Variants in UBE4B observed in about 807,000 individuals in gnomAD.
UBE4B encodes the protein ubiquitin conjugation factor E4 B.
UBE4B carries 27 observed loss-of-function variants against 148.1 expected under a neutral mutation model. The ratio of observed to expected loss-of-function variants is 0.18; its 90% CI spans 0.13 to 0.25. The LOEUF (loss-of-function observed/expected upper bound fraction) is 0.25, where lower values mean the gene tolerates loss of function less well. Among genes scored for constraint, UBE4B ranks in the 10% least tolerant of loss-of-function variants. The probability of loss-of-function intolerance (pLI) is 1.00; values close to 1 mark genes in which losing one functional copy is unlikely to be tolerated. For missense variants in UBE4B, 1,170 were observed against 1,662.4 expected, an observed-to-expected ratio of 0.70 and a Z score of 5.15; for synonymous variants, 596 against 619.3, an observed-to-expected ratio of 0.96 and a Z score of 0.56.
At chr1:10,127,311 G>T (rs770396000) in intron 11 of UBE4B, among the ~76,000 whole-genome samples, 8 of 152,074 alleles carry the variant, frequency 5.3e-5, no homozygotes, top group African/African-American at 1.9e-4. Context: ...GAAAATCTCA[G>T]TGTAGCTCTC....
intron 22 of UBE4B, among the ~76,000 whole-genome samples, chr1:10,160,591 C>A (rs766406027): frequency 4.6e-5 from 7 of 152,140 alleles, no homozygotes; most frequent in Non-Finnish European, 5.9e-5. Flanking sequence ...TGACTGTCAT[C>A]AGCCGTGCAA....
intron 2 of UBE4B, among the ~76,000 whole-genome samples, chr1:10,075,585 A>C (rs1031398874): frequency 1.3e-5 from 2 of 152,196 alleles, no homozygotes; most frequent in African/African-American, 4.8e-5. Context: ...TTGCCCGGGT[A>C]CCTCTATGCT....
intron 25 of UBE4B, among the ~76,000 whole-genome samples, chr1:10,175,481 C>T (rs544961714): frequency 2.0e-5 from 3 of 147,384 alleles, no homozygotes; most frequent in Non-Finnish European, 3.0e-5. Context: ...GAAACCCCAT[C>T]TCTACTAAAA....
At chr1:10,034,772 A>G (rs546428882) in intron 1 of UBE4B, among the ~76,000 whole-genome samples, 2 of 152,350 alleles carry the variant, frequency 1.3e-5, no homozygotes, top group South Asian at 4.1e-4. Flanking sequence ...CTCCTGGGAT[A>G]GGACACGCAG....
chr1:10,100,888 T>C, intron 3 of UBE4B: 1 of 508,594 alleles, frequency 2.0e-6, no homozygotes, highest in Non-Finnish European at 3.5e-6. Context: ...CCCAAGAAAA[T>C]GACAACTTAG....
intron 2 of UBE4B, among the ~76,000 whole-genome samples, chr1:10,073,704 G>C (rs998473781): frequency 6.6e-6 from 1 of 152,092 alleles, no homozygotes; most frequent in East Asian, 1.9e-4. Flanking sequence ...TGGTGATGGC[G>C]TGAGATTCTG....
At chr1:10,170,473 C>T in intron 24 of UBE4B, among the ~76,000 whole-genome samples, 2 of 152,224 alleles carry the variant, frequency 1.3e-5, no homozygotes, top group East Asian at 3.8e-4. Flanking sequence ...CCACATCTTC[C>T]TGTTTCAGGT....
At chr1:10,105,894 G>T in intron 6 of UBE4B, 150 bp downstream of exon 6, 1 of 956,422 alleles carries the variant, frequency 1.0e-6, no homozygotes, top group Non-Finnish European at 1.5e-6. Context: ...CATTGGAAGT[G>T]GAATTCTCTT....
intron 7 of UBE4B, among the ~76,000 whole-genome samples, chr1:10,117,074 TC>T (rs1645324247): frequency 6.6e-6 from 1 of 152,146 alleles, no homozygotes; most frequent in Non-Finnish European, 1.5e-5. Context: ...TTATAACTTT[TC>T]CCCCAAAGAG....
intron 21 of UBE4B, among the ~76,000 whole-genome samples, chr1:10,156,479 A>T (rs1285941187): frequency 6.6e-6 from 1 of 152,038 alleles, no homozygotes; most frequent in East Asian, 1.9e-4. Flanking sequence ...AGCTCAAGTG[A>T]TCTGCCCACC....
At chr1:10,044,929 TAATTTTAC>T (rs1384825988) in intron 1 of UBE4B, among the ~76,000 whole-genome samples, 1 of 152,138 alleles carries the variant, frequency 6.6e-6, no homozygotes, top group Non-Finnish European at 1.5e-5. Flanking sequence ...TAGAATGAAA[TAATTTTAC>T]AACCCACCAT....
At chr1:10,035,676 G>A (rs1392079504) in intron 1 of UBE4B, among the ~76,000 whole-genome samples, 1 of 150,758 alleles carries the variant, frequency 6.6e-6, no homozygotes, top group Non-Finnish European at 1.5e-5. Context: ...AAAGTGCTGG[G>A]ATTACAGGCG....
intron 1 of UBE4B, among the ~76,000 whole-genome samples, chr1:10,061,854 G>A (rs115216249): frequency 1.3e-4 from 20 of 151,662 alleles, no homozygotes; most frequent in Non-Finnish European, 2.5e-4. Context: ...GTTACTTACT[G>A]TGTTGCTATA....
At chr1:10,077,275 C>T (rs1308911742) in intron 2 of UBE4B, among the ~76,000 whole-genome samples, 2 of 152,146 alleles carry the variant, frequency 1.3e-5, no homozygotes, top group Admixed American at 6.6e-5. Context: ...TGGCTTGTGG[C>T]AACATAACTC....
At chr1:10,167,561 T>C (rs905835288) in intron 23 of UBE4B, among the ~76,000 whole-genome samples, 7 of 151,274 alleles carry the variant, frequency 4.6e-5, no homozygotes, top group African/African-American at 1.2e-4. Flanking sequence ...CATTATCTTA[T>C]TTCATCCTGA....
chr1:10,140,001 G>A (rs1371096616), intron 17 of UBE4B, among the ~76,000 whole-genome samples: 8 of 152,182 alleles, frequency 5.3e-5, no homozygotes, highest in Non-Finnish European at 1.2e-4. Flanking sequence ...GATTACAGGT[G>A]TGAGCCACTG....
chr1:10,090,672 G>A (rs1025326653), intron 2 of UBE4B, among the ~76,000 whole-genome samples: 1 of 151,906 alleles, frequency 6.6e-6, no homozygotes, highest in African/African-American at 2.4e-5. Context: ...CTCTTGCCTC[G>A]ACCGCCCAAT....
At chr1:10,034,513 G>A (rs1268294469) in intron 1 of UBE4B, among the ~76,000 whole-genome samples, 1 of 151,690 alleles carries the variant, frequency 6.6e-6, no homozygotes, top group Non-Finnish European at 1.5e-5. Context: ...GTGGCAATTA[G>A]GGTACAAGGA....
intron 2 of UBE4B, among the ~76,000 whole-genome samples, chr1:10,073,526 A>G (rs1007528573): frequency 2.0e-5 from 3 of 152,142 alleles, no homozygotes; most frequent in Non-Finnish European, 4.4e-5. Flanking sequence ...GTTTGAGATC[A>G]GCCTAGCCAA....
Sources: gnomAD v4.1 joint callset for allele counts (sites outside exome capture counted in the v4.1 genomes callset) on GRCh38, gnomAD v4.1.1 for gene constraint, MANE v1.5 for transcripts, NCBI Gene and HGNC (gene_info 2026-07-23, HGNC 2026-07-21) for gene names.